The following RBFOX1 variants were observed in gnomAD, a reference collection of about 807,000 sequenced individuals.
RBFOX1 encodes RNA binding protein fox-1 homolog 1.
RBFOX1 carries 8 observed loss-of-function variants against 57.7 expected under a neutral mutation model. The observed-to-expected ratio is 0.14, with a 90% CI of 0.08 to 0.25. The LOEUF is 0.25. Ranked by LOEUF, RBFOX1 falls within the 10% of genes least tolerant of loss-of-function variation. RBFOX1 has a pLI of 1.00. For missense variants in RBFOX1, 611 were observed against 548.5 expected (o/e 1.11, Z -1.14); for synonymous variants, 326 against 222.4 (o/e 1.47, Z -4.15).
At chr16:6,895,948 A>G (rs535905228) in intron 3 of RBFOX1, among the ~76,000 whole-genome samples, 2 of 152,236 alleles carry the variant, frequency 1.3e-5, no homozygotes, top group South Asian at 2.1e-4. Flanking sequence ...ATATATATAT[A>G]TTTGTGGGGT....
chr16:6,468,351 C>G (rs1406831770), intron 2 of RBFOX1, among the ~76,000 whole-genome samples: 1 of 152,120 alleles, frequency 6.6e-6, no homozygotes, highest in Non-Finnish European at 1.5e-5. Context: ...AAGCTTGTGC[C>G]CCACTGCTGG....
At chr16:7,173,280 A>C (rs925476550) in intron 4 of RBFOX1, among the ~76,000 whole-genome samples, 1 of 152,200 alleles carries the variant, frequency 6.6e-6, no homozygotes, top group Admixed American at 6.5e-5. Flanking sequence ...GTCAAATCCA[A>C]CGTGCATTTA....
At chr16:7,583,149 T>A (rs2093905078) in intron 6 of RBFOX1, among the ~76,000 whole-genome samples, 2 of 6,632 alleles carry the variant, frequency 3.0e-4, no homozygotes, top group African/African-American at 7.4e-4. Flanking sequence ...CTAGCTCATC[T>A]TTTTTTTTTT....
chr16:6,981,964 A>G (rs1470646021), intron 3 of RBFOX1, among the ~76,000 whole-genome samples: 2 of 152,230 alleles, frequency 1.3e-5, no homozygotes, highest in Non-Finnish European at 2.9e-5. Flanking sequence ...TTATTGGCAC[A>G]TGAAAATACA....
chr16:5,302,198 C>T (rs1313843640), intron 1 of RBFOX1, among the ~76,000 whole-genome samples: 1 of 152,134 alleles, frequency 6.6e-6, no homozygotes, highest in Admixed American at 6.5e-5. Flanking sequence ...AGTCTTTGGG[C>T]ATTTAGAAGT....
At chr16:5,344,705 T>C (rs997099582) in intron 1 of RBFOX1, among the ~76,000 whole-genome samples, 9 of 152,172 alleles carry the variant, frequency 5.9e-5, no homozygotes, top group African/African-American at 1.9e-4. Flanking sequence ...TTCCAAATTA[T>C]ATCCATCAAT....
At chr16:6,709,227 A>T (rs1465574956) in intron 3 of RBFOX1, among the ~76,000 whole-genome samples, 1 of 152,186 alleles carries the variant, frequency 6.6e-6, no homozygotes, top group East Asian at 1.9e-4. Context: ...AAACCCACTG[A>T]ATTACTGCTG....
At chr16:7,507,885 A>T (rs2073893902) in intron 4 of RBFOX1, among the ~76,000 whole-genome samples, 1 of 149,760 alleles carries the variant, frequency 6.7e-6, no homozygotes, top group Non-Finnish European at 1.5e-5. Flanking sequence ...TTTTAAAAGA[A>T]TACATAAGGA....
rs555374356 is a variant in RBFOX1 at position 5,653,010 on chromosome 16, G to C, written c.318+54049G>C. On this transcript the variant is annotated intron_variant, in intron 3 of 19. Transcript: ENST00000641259. ...GCTGCTGTGCAGAAGGTGGGGTGCT[G>C]AGCCGTGTGCTGGGCTTCTGTGCGG... 2.0e-5 allele frequency among the ~76,000 whole-genome samples: 3 copies of C among 151,520 alleles called. No homozygotes were observed. The East Asian group carries it at 5.9e-4, about 30-fold the overall frequency.
At chr16:6,175,201 G>C (rs1236311231) in intron 1 of RBFOX1, among the ~76,000 whole-genome samples, 1 of 152,116 alleles carries the variant, frequency 6.6e-6, no homozygotes, top group African/African-American at 2.4e-5. Flanking sequence ...CAAAGCAATA[G>C]AACCTGACTA....
At chr16:5,674,458 A>G (rs2050107814) in intron 3 of RBFOX1, among the ~76,000 whole-genome samples, 1 of 152,222 alleles carries the variant, frequency 6.6e-6, no homozygotes, top group South Asian at 2.1e-4. Context: ...GCCAGGACTC[A>G]GTCTCACGTT....
intron 3 of RBFOX1, among the ~76,000 whole-genome samples, chr16:6,804,584 A>G (rs147249786): frequency 0.029 from 4,444 of 152,278 alleles, 216 homozygotes; most frequent in South Asian, 0.15. Context: ...AGCTAGGAAG[A>G]TTGATTGGAT....
intron 4 of RBFOX1, among the ~76,000 whole-genome samples, chr16:5,928,669 A>G (rs1313068384): frequency 6.7e-6 from 1 of 149,904 alleles, no homozygotes; most frequent in Non-Finnish European, 1.5e-5. Context: ...ACCAGGTCCT[A>G]GGTGCTTTCA....
chr16:7,321,327 A>G (rs1008042907), intron 4 of RBFOX1, among the ~76,000 whole-genome samples: 3 of 151,882 alleles, frequency 2.0e-5, no homozygotes, highest in East Asian at 1.9e-4. Flanking sequence ...TGTGTTTTTT[A>G]TAGAGACAGG....
intron 4 of RBFOX1, among the ~76,000 whole-genome samples, chr16:7,131,337 CTGTCT>C (rs1408365898): frequency 5.4e-5 from 6 of 112,004 alleles, no homozygotes; most frequent in Non-Finnish European, 6.8e-5. Context: ...TGCAGCGAGA[CTGTCT>C]TTTTTTTTTT....
At chr16:6,191,183 C>T (rs2097139640) in intron 1 of RBFOX1, among the ~76,000 whole-genome samples, 1 of 151,010 alleles carries the variant, frequency 6.6e-6, no homozygotes, top group Non-Finnish European at 1.5e-5. Flanking sequence ...ACTACAGTCG[C>T]CTCCATTGCT....
chr16:5,325,178 C>A (rs1038697666), intron 1 of RBFOX1, among the ~76,000 whole-genome samples: 1 of 152,090 alleles, frequency 6.6e-6, no homozygotes, highest in African/African-American at 2.4e-5. Context: ...GTGTGCTTGG[C>A]CCTTCTTCTC....
chr16:6,544,148 G>A (rs1336027485), intron 2 of RBFOX1, among the ~76,000 whole-genome samples: 2 of 152,158 alleles, frequency 1.3e-5, no homozygotes, highest in South Asian at 2.1e-4. Flanking sequence ...AGATTGAACC[G>A]AGTAACTTCC....
chr16:7,004,510 C>T (rs1174532215), intron 3 of RBFOX1, among the ~76,000 whole-genome samples: 1 of 152,160 alleles, frequency 6.6e-6, no homozygotes, highest in Non-Finnish European at 1.5e-5. Flanking sequence ...GTTGGTATGC[C>T]AGCACTCCAA....
Sources: allele counts gnomAD v4.1 joint callset (sites outside exome capture counted in the v4.1 genomes callset), GRCh38; gene constraint gnomAD v4.1.1; transcripts MANE v1.5; gene names NCBI Gene and HGNC (gene_info 2026-07-23, HGNC 2026-07-21).